The following MED12L variants were observed in gnomAD, a reference collection of about 807,000 sequenced individuals.
MED12L encodes mediator of RNA polymerase II transcription subunit 12-like protein.
Under a neutral mutation model 281.3 loss-of-function variants are expected in MED12L, and 60 were observed. That is an observed-to-expected ratio of 0.21 (90% CI 0.17 to 0.26). The LOEUF (loss-of-function observed/expected upper bound fraction) is 0.26. Among genes scored for constraint, MED12L ranks in the 10% least tolerant of loss-of-function variants. MED12L has a pLI of 1.00. For missense variants in MED12L, 2,146 were observed against 2,680.9 expected, an observed-to-expected ratio of 0.80 and a Z score of 4.41; for synonymous variants, 974 against 987.2, an observed-to-expected ratio of 0.99 and a Z score of 0.25.
intron 16 of MED12L, among the ~76,000 whole-genome samples, chr3:151,215,768 C>T (rs965751384): frequency 6.6e-6 from 1 of 152,188 alleles, no homozygotes; most frequent in Non-Finnish European, 1.5e-5. Flanking sequence ...GGAGAATGCC[C>T]TAAGTCTGTA....
chr3:151,268,986 T>C (rs1221917359), intron 16 of MED12L, among the ~76,000 whole-genome samples: 2 of 152,322 alleles, frequency 1.3e-5, no homozygotes, highest in South Asian at 2.1e-4. Context: ...TGAACTTTCC[T>C]AGCGGTGTGA....
chr3:151,154,635 C>A (rs1257582623), intron 5 of MED12L, among the ~76,000 whole-genome samples: 1 of 152,176 alleles, frequency 6.6e-6, no homozygotes, highest in Non-Finnish European at 1.5e-5. Flanking sequence ...ACCATACTGA[C>A]AGTGAGTTAA....
At chr3:151,401,628 A>G (rs1715695301) in intron 39 of MED12L, among the ~76,000 whole-genome samples, 1 of 152,238 alleles carries the variant, frequency 6.6e-6, no homozygotes, top group Non-Finnish European at 1.5e-5. Context: ...TAAATAGAGC[A>G]TATTTCAAAT....
chr3:151,209,795 G>T (rs1486378770), intron 16 of MED12L, among the ~76,000 whole-genome samples: 1 of 152,142 alleles, frequency 6.6e-6, no homozygotes, highest in Non-Finnish European at 1.5e-5. Flanking sequence ...TCATCAAGCA[G>T]AAGTACAGCT....
intron 11 of MED12L, among the ~76,000 whole-genome samples, chr3:151,176,360 G>T (rs891613830): frequency 2.0e-5 from 3 of 149,508 alleles, no homozygotes; most frequent in Non-Finnish European, 4.4e-5. Context: ...TTATGTTGTG[G>T]CAAGAGGTCC....
chr3:151,293,664 CACACACACACACA>C (rs1348388424), intron 16 of MED12L, among the ~76,000 whole-genome samples: 7 of 142,896 alleles, frequency 4.9e-5, no homozygotes, highest in African/African-American at 1.8e-4. Context: ...CACACACACA[CACACACACACACA>C]CCCTCTACCT....
At chr3:151,092,239 G>A (rs779884976) in intron 2 of MED12L, among the ~76,000 whole-genome samples, 11 of 152,230 alleles carry the variant, frequency 7.2e-5, no homozygotes, top group African/African-American at 2.7e-4. Context: ...CCCACAGGGA[G>A]GCCTTCCTTG....
chr3:151,318,406 G>A (rs1364606000), intron 16 of MED12L, among the ~76,000 whole-genome samples: 1 of 150,786 alleles, frequency 6.6e-6, no homozygotes, highest in African/African-American at 2.4e-5. Flanking sequence ...GAGCAGAAGG[G>A]TTATGCTATG....
intron 16 of MED12L, among the ~76,000 whole-genome samples, chr3:151,209,882 C>T (rs947814017): frequency 6.6e-6 from 1 of 152,092 alleles, no homozygotes. Flanking sequence ...TCACGAGTTT[C>T]TCATTTGTAG....
intron 16 of MED12L, among the ~76,000 whole-genome samples, chr3:151,224,583 TC>T (rs1233338138): frequency 2.0e-5 from 3 of 152,236 alleles, no homozygotes; most frequent in Non-Finnish European, 4.4e-5. Context: ...TGTTCTGCAT[TC>T]CTGTGGCACT....
chr3:151,307,639 A>C (rs761523892), intron 16 of MED12L, among the ~76,000 whole-genome samples: 5 of 151,330 alleles, frequency 3.3e-5, no homozygotes, highest in African/African-American at 4.9e-5. Context: ...CCTGAAGACA[A>C]GATTTGTGTC....
Position 151,156,230 on chromosome 3 carries a change from C to G in MED12L, c.626C>G (p.Ala209Gly), listed in dbSNP as rs768518385. The G allele has an allele frequency of 6.2e-7, 1 of 1,613,528 alleles. No homozygotes were observed. The highest frequency in any genetic ancestry group is 1.1e-5 in the South Asian group (1 of 90,904). ...AAGATTTCTGACTTTTACCACATGG[C>G]CTCCAGCACGGGCGATGGCCCTGTC... ...LAKISDFYHMASSTGDGPVPV... is the reference protein window; with the variant it reads ...LAKISDFYHMGSSTGDGPVPV... Residue 209 changes from alanine to glycine, a missense_variant, in exon 6 of 45, where the codon GCC (alanine) becomes GGC (glycine). Physicochemically the swap from Ala to Gly is moderately conservative, Grantham distance 60. Transcript: ENST00000687756.
At chr3:151,418,843 A>T (rs1162683894) in intron 43 of MED12L, among the ~76,000 whole-genome samples, 1 of 151,700 alleles carries the variant, frequency 6.6e-6, no homozygotes, top group Non-Finnish European at 1.5e-5. Context: ...TGGAAAAATT[A>T]TTTTTTTTTA....
At chr3:151,167,291 T>A (rs1445311698) in intron 11 of MED12L, among the ~76,000 whole-genome samples, 1 of 152,186 alleles carries the variant, frequency 6.6e-6, no homozygotes, top group African/African-American at 2.4e-5. Flanking sequence ...AAATAAAAAG[T>A]TTGTCTTCTT....
At chr3:151,355,009 G>T (rs1310152045) in intron 17 of MED12L, 112 bp from the exon 18 acceptor site, 11 of 753,064 alleles carry the variant, frequency 1.5e-5, no homozygotes. Context: ...GAAATTCATA[G>T]AATTTGTGCA....
chr3:151,184,987 T>C (rs566984552), intron 11 of MED12L, among the ~76,000 whole-genome samples: 1 of 152,242 alleles, frequency 6.6e-6, no homozygotes, highest in East Asian at 1.9e-4. Flanking sequence ...ACAGCTGTTC[T>C]TGACAGTCAG....
chr3:151,426,703 CTAAATAT>C (rs1329466176), intron 43 of MED12L, among the ~76,000 whole-genome samples: 2 of 151,906 alleles, frequency 1.3e-5, no homozygotes, highest in Non-Finnish European at 2.9e-5. Flanking sequence ...TTCGTTAATA[CTAAATAT>C]TGTTATGTTT....
intron 43 of MED12L, chr3:151,425,624 AGTGGTTATACCAT>A (rs1417075311): frequency 4.4e-6 from 2 of 456,264 alleles, no homozygotes; most frequent in East Asian, 1.4e-4. Flanking sequence ...TTCCTGGAGA[AGTGGTTATACCAT>A]GTTGATTAGT....
intron 43 of MED12L, among the ~76,000 whole-genome samples, chr3:151,427,691 A>G (rs893477891): frequency 6.6e-6 from 1 of 152,214 alleles, no homozygotes; most frequent in Non-Finnish European, 1.5e-5. Flanking sequence ...ATAAGTTGAT[A>G]TTTGGAAGCT....
Sources: allele counts gnomAD v4.1 joint callset (sites outside exome capture counted in the v4.1 genomes callset), GRCh38; gene constraint gnomAD v4.1.1; transcripts MANE v1.5; gene names NCBI Gene and HGNC (gene_info 2026-07-23, HGNC 2026-07-21).